The following SORCS3 variants were observed in gnomAD, a reference collection of about 807,000 sequenced individuals.
The protein encoded by SORCS3 is sortilin related VPS10 domain containing receptor 3.
In SORCS3, 57 loss-of-function variants were observed where a neutral mutation model predicts 146.3. The observed-to-expected ratio is 0.39, with a 90% CI of 0.31 to 0.49. SORCS3 has a LOEUF of 0.49. SORCS3 is among the 20% of genes least tolerant of loss of function. SORCS3 has a pLI of 0.92. For synonymous variants in SORCS3, 653 were observed against 618.5 expected, an observed-to-expected ratio of 1.06 and a Z score of -0.83; for missense variants, 1,341 against 1,575.5, an observed-to-expected ratio of 0.85 and a Z score of 2.52.
chr10:104,720,761 G>A (rs1236796594), intron 1 of SORCS3, among the ~76,000 whole-genome samples: 1 of 152,232 alleles, frequency 6.6e-6, no homozygotes. Context: ...TCTGTTGGCT[G>A]CATAAATGTC....
chr10:104,854,661 C>T (rs2018310462), intron 2 of SORCS3, among the ~76,000 whole-genome samples: 1 of 151,994 alleles, frequency 6.6e-6, no homozygotes, highest in South Asian at 2.1e-4. Flanking sequence ...CTGAACTGTT[C>T]CATCACTACA....
At chr10:104,904,559 T>A (rs1009121862) in intron 2 of SORCS3, among the ~76,000 whole-genome samples, 4 of 152,140 alleles carry the variant, frequency 2.6e-5, no homozygotes, top group African/African-American at 9.7e-5. Flanking sequence ...TAAAGTAAAT[T>A]ATGATGCATT....
intron 2 of SORCS3, among the ~76,000 whole-genome samples, chr10:104,912,882 C>T (rs1026086018): frequency 1.4e-4 from 22 of 152,026 alleles, no homozygotes; most frequent in South Asian, 2.1e-4. Context: ...TAATCCCCCC[C>T]GGGAAAGCTG....
rs184023817 is a variant in SORCS3, at chr10:105,035,298, C to G, written c.955-7757C>G. Among the ~76,000 whole-genome samples, 42 of 152,230 alleles carry G rather than the reference C, an allele frequency of 2.8e-4. No individual in the cohort carries two copies. In the East Asian group the frequency reaches 7.7e-3, roughly 28 times the overall value. ...TATTAGAGAACTAAACATATTTGCA[C>G]TTGTGTTTAAGATCAAGTCTCCAGA... On this transcript the variant is annotated intron_variant, in intron 4 of 26. Transcript: ENST00000369701.
At chr10:105,055,901 G>A (rs906351741) in intron 5 of SORCS3, among the ~76,000 whole-genome samples, 2 of 152,156 alleles carry the variant, frequency 1.3e-5, no homozygotes, top group Non-Finnish European at 2.9e-5. Context: ...AGATTGTGTT[G>A]TATCAGATCA....
chr10:104,868,927 AC>A (rs1337382435), intron 2 of SORCS3, among the ~76,000 whole-genome samples: 8 of 152,164 alleles, frequency 5.3e-5, no homozygotes, highest in Non-Finnish European at 1.2e-4. Context: ...TGTTTCTATT[AC>A]CAGTTCAGTT....
chr10:105,123,632 G>A (rs978548816), intron 7 of SORCS3, among the ~76,000 whole-genome samples: 15 of 152,142 alleles, frequency 9.9e-5, no homozygotes, highest in Admixed American at 9.8e-4. Context: ...CCATAACAGG[G>A]TTTATAGTCG....
At chr10:105,010,796 G>A (rs2055131132) in intron 4 of SORCS3, among the ~76,000 whole-genome samples, 1 of 151,994 alleles carries the variant, frequency 6.6e-6, no homozygotes. Context: ...GGCAGGCTAG[G>A]GTCAAGGTGA....
intron 5 of SORCS3, among the ~76,000 whole-genome samples, chr10:105,070,050 C>T (rs956306411): frequency 2.8e-4 from 42 of 152,128 alleles, no homozygotes; most frequent in Admixed American, 9.8e-4. Flanking sequence ...CAGTGAGCTA[C>T]CACATTATCA....
At chr10:105,087,846 G>A (rs1425110582) in intron 5 of SORCS3, among the ~76,000 whole-genome samples, 5 of 152,168 alleles carry the variant, frequency 3.3e-5, no homozygotes, top group South Asian at 2.1e-4. Context: ...AATCACCTGC[G>A]ACCTTTAAAA....
chr10:104,928,547 C>G (rs1228135991), intron 3 of SORCS3, among the ~76,000 whole-genome samples: 1 of 151,864 alleles, frequency 6.6e-6, no homozygotes, highest in African/African-American at 2.4e-5. Context: ...TTTCTTCAAC[C>G]AAGCAGAGAG....
rs1168612742 is a variant in SORCS3, at chr10:104,641,555, G to C, written c.228G>C (p.Arg76=). The C allele has an allele frequency of 6.8e-7, 1 of 1,468,410 alleles. No homozygotes were observed. Among genetic ancestry groups the C allele is most frequent in the Non-Finnish European group, 8.9e-7 (1 of 1,120,350 alleles). 91.0% of individuals were successfully genotyped at this position (1,468,410 alleles called of 1,614,324 possible). ...SQWPEELASA[R]RAAVLGRRAG... ...GGCCGGAGGAGCTGGCGTCGGCGCG[G>C]AGAGCCGCCGTGCTGGGGCGCCGGG... is the stretch of plus-strand genomic sequence containing the variant. Residue 76 remains arginine (R), a synonymous_variant, in exon 1 of 27, where the codon CGG becomes CGC. Transcript: ENST00000369701. This position sits in a 1 kb window ranked among gnomAD's most constrained non-coding sequence, Gnocchi z 6.4.
At chr10:105,009,608 T>C (rs2055120534) in intron 4 of SORCS3, among the ~76,000 whole-genome samples, 1 of 150,912 alleles carries the variant, frequency 6.6e-6, no homozygotes, top group African/African-American at 2.4e-5. Flanking sequence ...AGTCAGAAAC[T>C]GTAGGGAAAG....
chr10:105,160,310 T>C (rs1006079547), intron 11 of SORCS3, among the ~76,000 whole-genome samples: 3 of 152,134 alleles, frequency 2.0e-5, no homozygotes, highest in African/African-American at 4.8e-5. Flanking sequence ...TTGCAGGATA[T>C]AATGAAACAA....
intron 1 of SORCS3, among the ~76,000 whole-genome samples, chr10:104,705,225 G>GTTTTT (rs11361828): frequency 1.7e-5 from 2 of 119,614 alleles, no homozygotes; most frequent in Non-Finnish European, 3.4e-5. Context: ...GCAGGCCTTC[G>GTTTTT]TTTTTTTTTT....
intron 1 of SORCS3, among the ~76,000 whole-genome samples, chr10:104,687,630 A>G (rs1484197512): frequency 6.6e-6 from 1 of 152,082 alleles, no homozygotes; most frequent in East Asian, 1.9e-4. Flanking sequence ...GCAGAAGAGA[A>G]GAAGCCCCCA....
chr10:104,984,199 A>G (rs1277557477), intron 4 of SORCS3, among the ~76,000 whole-genome samples: 1 of 152,230 alleles, frequency 6.6e-6, no homozygotes, highest in Non-Finnish European at 1.5e-5. Flanking sequence ...AGAAGAAGAA[A>G]TACTTTAAAT....
chr10:104,944,204 C>CA (rs1047850426), intron 3 of SORCS3, among the ~76,000 whole-genome samples: 1 of 152,096 alleles, frequency 6.6e-6, no homozygotes, highest in Non-Finnish European at 1.5e-5. Context: ...CTTACTTCGA[C>CA]AAAAAACATT....
chr10:104,861,599 C>T (rs371325265), intron 2 of SORCS3, among the ~76,000 whole-genome samples: 148 of 152,298 alleles, frequency 9.7e-4, no homozygotes, highest in Middle Eastern at 6.8e-3. Context: ...ACACCTCCCC[C>T]GAGCCTACTT....
Sources: allele counts gnomAD v4.1 joint callset (sites outside exome capture counted in the v4.1 genomes callset), GRCh38; gene constraint gnomAD v4.1.1; non-coding constraint Gnocchi (gnomAD v3.1); transcripts MANE v1.5; gene names NCBI Gene and HGNC (gene_info 2026-07-23, HGNC 2026-07-21).